RNF213: variants seen among roughly 807,000 people sequenced by gnomAD.
The protein encoded by RNF213 is ring finger protein 213, also known as E3 ubiquitin-protein ligase RNF213.
Under a neutral mutation model 514.4 loss-of-function variants are expected in RNF213, and 341 were observed. The ratio of observed to expected loss-of-function variants is 0.66; its 90% confidence interval spans 0.61 to 0.73. The LOEUF (loss-of-function observed/expected upper bound fraction) is 0.73. Among genes scored for constraint, RNF213 ranks in the 30% least tolerant of loss-of-function variants. RNF213 has a pLI of 0.00. For missense variants in RNF213, 5,767 were observed against 6,615.6 expected (o/e 0.87, Z 4.45); for synonymous variants, 2,655 against 2,658.2 (o/e 1.00, Z 0.04).
At chr17:80,389,671 G>A (rs1044666607) in intron 65 of RNF213, among the ~76,000 whole-genome samples, 157 bp from the exon 66 acceptor site, 2 of 152,228 alleles carry the variant, frequency 1.3e-5, no homozygotes, top group East Asian at 3.8e-4. Flanking sequence ...CTGGTAGATA[G>A]GACAGAGATG....
chr17:80,312,523 G>A (rs908624828), intron 14 of RNF213, among the ~76,000 whole-genome samples: 2 of 138,232 alleles, frequency 1.4e-5, no homozygotes, highest in African/African-American at 2.7e-5. Flanking sequence ...GTTTACCTCC[G>A]GGTCAGGAGC....
At chr17:80,372,954 G>C (rs377637410) in intron 48 of RNF213, 21 bp from the exon 49 acceptor site, 26 of 1,610,086 alleles carry the variant, frequency 1.6e-5, no homozygotes, top group Non-Finnish European at 2.2e-5. Context: ...CCACTCACCC[G>C]CTTTCTCGTT....
intron 17 of RNF213, among the ~76,000 whole-genome samples, chr17:80,321,965 C>A (rs1178326156): frequency 6.6e-6 from 1 of 152,040 alleles, no homozygotes; most frequent in African/African-American, 2.4e-5. Context: ...ACCTCATGAT[C>A]CACATGCCTT....
Position 80,382,669 on chromosome 17 carries a change from C to T in RNF213, c.13979-310C>T, listed in dbSNP as rs372084531. 90 of 354,014 alleles carry T rather than the reference C, an allele frequency of 2.5e-4. 5 individuals carry two copies. In the East Asian group the frequency reaches 6.2e-3, roughly 24 times the overall value. The allele number at this position is 354,014 out of a possible 1,614,324, so 21.9% of individuals were successfully genotyped here. On this transcript the variant is annotated intron_variant, in intron 57 of 67. Transcript: ENST00000582970. Reference sequence around the variant, plus strand: ...AGGGTTTGGGTGGCAGCAGCTGAGACGGCTGGCGGTAGCCTGGGCCACTCT... The same window carrying T: ...AGGGTTTGGGTGGCAGCAGCTGAGATGGCTGGCGGTAGCCTGGGCCACTCT...
chr17:80,372,479 A>C (rs1307917766), intron 47 of RNF213, 42 bp from the exon 48 acceptor site: 1 of 1,480,328 alleles, frequency 6.8e-7, no homozygotes, highest in South Asian at 1.2e-5. Flanking sequence ...ATCCATGTTT[A>C]AAAAAATAAT....
rs1023987808 is a variant in RNF213, at chr17:80,328,200, G to T, written c.3368-128G>T. On this transcript the variant is annotated intron_variant, in intron 19 of 67. Coordinates refer to ENST00000582970, the MANE Select transcript of RNF213 (RefSeq NM_001256071.3). ...AAAATAATGGCCATCTCGAAAAAGT[G>T]GGTATGCGCAAAACCATCCTAGTCC... 4 of 1,200,336 alleles carry T rather than the reference G, an allele frequency of 3.3e-6. No individual in the cohort carries two copies. In the African/African-American group the frequency reaches 6.1e-5, roughly 18 times the overall value. The allele number at this position is 1,200,336 out of a possible 1,614,324, so 74.4% of individuals were successfully genotyped here. A position where few individuals can be genotyped will look rare whatever the true frequency, so the allele number is the denominator to read the frequency against.
chr17:80,386,411 C>A lies in RNF213; in HGVS notation c.14701C>A (p.Leu4901Ile). 1.2e-6 allele frequency: 2 copies of A among 1,614,154 alleles called. No individual in the cohort carries two copies. The highest frequency in any genetic ancestry group is 8.5e-7 in the Non-Finnish European group (1 of 1,180,026). ...HNEIVYAVEK[L>I]SKENNSYSVD... ...TGAAATTGTCTACGCCGTGGAAAAACTCTCCAAGGAAAACAACAGGTTTGT... is the reference window on the plus strand; with the variant it reads ...TGAAATTGTCTACGCCGTGGAAAAAATCTCCAAGGAAAACAACAGGTTTGT... The change falls in exon 62 of 68, where the codon CTC becomes ATC. Residue 4901 changes from leucine (L) to isoleucine (I), a missense_variant. Physicochemically the swap from Leu to Ile is conservative, Grantham distance 5. Coordinates refer to ENST00000582970, the MANE Select transcript of RNF213 (RefSeq NM_001256071.3).
chr17:80,273,317 A>G lies in RNF213; in HGVS notation c.174A>G (p.Glu58=), dbSNP rs899879130. The change falls in exon 3 of 68, where the codon GAA becomes GAG. Residue 58 remains glutamate (E), a synonymous_variant. Transcript: ENST00000582970. ...EMECGQELKE[E]GGPCLFPGSD... ...AGTGTGGGCAGGAGCTGAAGGAGGAAGGGGGCCCGTGCTTGTTCCCGGGCT... is the reference window on the plus strand; with the variant it reads ...AGTGTGGGCAGGAGCTGAAGGAGGAGGGGGGCCCGTGCTTGTTCCCGGGCT... 4 of 1,613,444 alleles carry G rather than the reference A, an allele frequency of 2.5e-6. No individual in the cohort carries two copies. The South Asian group carries it at 3.3e-5, about 13-fold the overall frequency.
Position 80,381,682 on chromosome 17 carries a change from G to T in RNF213, c.13933G>T (p.Val4645Phe). The change falls in exon 57 of 68, where the codon GTC becomes TTC. Residue 4645 changes from valine (V) to phenylalanine (F), a missense_variant. Physicochemically the swap from Val to Phe is conservative, Grantham distance 50. Around this residue, in one of 13 missense-constraint regions of RNF213, gnomAD observed 1,245 missense variants for 1,339.0 expected, o/e 0.93. Transcript: ENST00000582970. Reference protein sequence around the residue: ...ADETIGVVHLVLRRLLQEQHQ... With the variant: ...ADETIGVVHLFLRRLLQEQHQ... ...CGAGACCATCGGCGTGGTCCACCTC[G>T]TCCTGCGCAGGCTTCTCCAAGAGCA... 6.2e-7 allele frequency: 1 copy of T among 1,614,120 alleles called. No homozygotes were observed. The highest frequency in any genetic ancestry group is 1.1e-5 in the South Asian group (1 of 91,080).
At chr17:80,272,722 G>A (rs2043866498) in intron 2 of RNF213, among the ~76,000 whole-genome samples, 1 of 152,138 alleles carries the variant, frequency 6.6e-6, no homozygotes, top group Admixed American at 6.5e-5. Flanking sequence ...TGGCAGAGTG[G>A]GTGCTCCATG....
chr17:80,263,099 C>A lies in RNF213; in HGVS notation c.-108-475C>A, dbSNP rs376916186. Among the ~76,000 whole-genome samples the A allele has an allele frequency of 5.3e-5, 8 of 152,186 alleles. No individual in the cohort carries two copies. The East Asian group carries it at 9.6e-4, about 18-fold the overall frequency. On this transcript the variant is annotated intron_variant, in intron 1 of 67. Coordinates refer to ENST00000582970, the MANE Select transcript of RNF213 (RefSeq NM_001256071.3). This position sits in a 1 kb window ranked among gnomAD's most constrained non-coding sequence, Gnocchi z 4.9. ...GTCCTGGCCTTGGTCTGGTTTGATGCCATCCACCGCAGAGGCTGTTCTGAG... is the reference window on the plus strand; with the variant it reads ...GTCCTGGCCTTGGTCTGGTTTGATGACATCCACCGCAGAGGCTGTTCTGAG...
intron 41 of RNF213, 83 bp from the exon 42 acceptor site, chr17:80,364,350 T>TTCTCCCG: frequency 6.2e-7 from 1 of 1,603,320 alleles, no homozygotes; most frequent in Non-Finnish European, 8.5e-7. Context: ...CCCGCATCTC[T>TTCTCCCG]TCTCCCGTCT....
At chr17:80,364,761 C>A in intron 42 of RNF213, 1 of 583,802 alleles carries the variant, frequency 1.7e-6, no homozygotes, top group Non-Finnish European at 3.0e-6. Context: ...ATTGCTAAGT[C>A]AGAGCATATC....
intron 21 of RNF213, 98 bp from the exon 22 acceptor site, chr17:80,334,007 G>C: frequency 7.1e-7 from 1 of 1,402,078 alleles, no homozygotes; most frequent in Non-Finnish European, 9.7e-7. Flanking sequence ...TAGGCATTGA[G>C]GGAGGGTGGG....
chr17:80,285,760 T>C (rs1018475168), intron 3 of RNF213, among the ~76,000 whole-genome samples: 4 of 150,718 alleles, frequency 2.7e-5, no homozygotes, highest in African/African-American at 9.8e-5. Flanking sequence ...AGCCTCTGCC[T>C]CCCGGGTTCA....
chr17:80,277,887 C>T (rs1175076644), intron 3 of RNF213, among the ~76,000 whole-genome samples: 2 of 152,220 alleles, frequency 1.3e-5, no homozygotes, highest in East Asian at 1.9e-4. Flanking sequence ...TGGCCAGCCT[C>T]ACCCTGCAGC....
rs745575441 is a variant in RNF213 at position 80,347,990 on chromosome 17, A to G, written c.9655A>G (p.Ile3219Val). 4 of 1,614,150 alleles carry G rather than the reference A, an allele frequency of 2.5e-6. No individual in the cohort carries two copies. Among genetic ancestry groups the G allele is most frequent in the East Asian group, 2.2e-5 (1 of 44,876 alleles). The change falls in exon 29 of 68, where the codon ATC becomes GTC. Residue 3219 changes from isoleucine to valine, a missense_variant. Ile to Val is a conservative substitution (Grantham distance 29). Around this residue, in one of 13 missense-constraint regions of RNF213, gnomAD observed 919 missense variants for 1,121.0 expected, o/e 0.82. Coordinates refer to ENST00000582970, the MANE Select transcript of RNF213 (RefSeq NM_001256071.3). This position sits in a 1 kb window ranked among gnomAD's most constrained non-coding sequence, Gnocchi z 7.2. ...CAAATACAGCCCCTCTGACGTCTTC[A>G]TCGGCTACCACTCGGACGCCTGCGC... ...RHKYSPSDVFIGYHSDACASV... is the reference protein window; with the variant it reads ...RHKYSPSDVFVGYHSDACASV...
chr17:80,284,564 G>A (rs1217384616), intron 3 of RNF213, among the ~76,000 whole-genome samples: 1 of 151,260 alleles, frequency 6.6e-6, no homozygotes, highest in Non-Finnish European at 1.5e-5. Flanking sequence ...AAAAAAAAAA[G>A]CCTTTGAATT....
At chr17:80,324,718 A>G (rs1223994782) in intron 17 of RNF213, among the ~76,000 whole-genome samples, 1 of 152,176 alleles carries the variant, frequency 6.6e-6, no homozygotes, top group East Asian at 1.9e-4. Context: ...GGTATTTTTC[A>G]TGATATGAAA....
Sources: allele counts gnomAD v4.1 joint callset (sites outside exome capture counted in the v4.1 genomes callset), GRCh38; gene constraint gnomAD v4.1.1; regional missense constraint gnomAD v4.1.1; non-coding constraint Gnocchi (gnomAD v3.1); transcripts MANE v1.5; gene names NCBI Gene and HGNC (gene_info 2026-07-23, HGNC 2026-07-21).